The following RBFOX1 variants were observed in gnomAD, a reference collection of about 807,000 sequenced individuals.
RBFOX1 encodes RNA binding protein fox-1 homolog 1.
A neutral mutation model predicts 57.7 loss-of-function variants in RBFOX1; 8 were observed. The observed-to-expected ratio is 0.14, with a 90% CI of 0.08 to 0.25. The LOEUF (loss-of-function observed/expected upper bound fraction) is 0.25, where lower values mean the gene tolerates loss of function less well. Ranked by LOEUF, RBFOX1 falls within the 10% of genes least tolerant of loss-of-function variation. The probability of loss-of-function intolerance (pLI) is 1.00; values close to 1 mark genes in which losing one functional copy is unlikely to be tolerated. For synonymous variants in RBFOX1, 326 were observed against 222.4 expected (o/e 1.47, Z -4.15); for missense variants, 611 against 548.5 (o/e 1.11, Z -1.14).
intron 2 of RBFOX1, among the ~76,000 whole-genome samples, chr16:6,652,631 T>A (rs1423012576): frequency 6.6e-6 from 1 of 152,060 alleles, no homozygotes; most frequent in Non-Finnish European, 1.5e-5. Flanking sequence ...GAAAATAAAC[T>A]TCAGTCGTTG....
intron 3 of RBFOX1, among the ~76,000 whole-genome samples, chr16:5,725,478 G>T (rs1432979001): frequency 2.0e-5 from 3 of 151,526 alleles, no homozygotes; most frequent in Non-Finnish European, 4.4e-5. Flanking sequence ...TTCCAGTCTT[G>T]TCTCAAACTT....
At chr16:5,553,957 T>G (rs2045572333) in intron 2 of RBFOX1, among the ~76,000 whole-genome samples, 1 of 142,824 alleles carries the variant, frequency 7.0e-6, no homozygotes, top group South Asian at 2.4e-4. Flanking sequence ...AATACTTTCT[T>G]ATAACACGTA....
At position 5,533,283 on chromosome 16, in the gene RBFOX1, G is replaced by A. The variant is rs199851916; in HGVS notation, c.259-65619G>A. ...TGCAGAAATTCAACTCTAATGCTTT[G>A]AGTAACAAGCATCATGTTTTAATAG... On this transcript the variant is annotated intron_variant, in intron 2 of 2. Coordinates refer to the RBFOX1 transcript ENST00000585867. 3.3e-5 allele frequency among the ~76,000 whole-genome samples: 5 copies of A among 152,178 alleles called. No individual in the cohort carries two copies. The East Asian group carries it at 9.6e-4, about 29-fold the overall frequency.
intron 3 of RBFOX1, among the ~76,000 whole-genome samples, chr16:6,685,006 G>C (rs760389744): frequency 6.6e-6 from 1 of 152,096 alleles, no homozygotes; most frequent in African/African-American, 2.4e-5. Context: ...GGGAAAATGG[G>C]GGCTCAGGAA....
intron 3 of RBFOX1, among the ~76,000 whole-genome samples, chr16:6,851,442 A>T (rs2094057153): frequency 6.6e-6 from 1 of 152,222 alleles, no homozygotes; most frequent in Non-Finnish European, 1.5e-5. Flanking sequence ...ATTACATGTG[A>T]ATCTACAGTT....
intron 3 of RBFOX1, among the ~76,000 whole-genome samples, chr16:5,690,455 G>A (rs544880138): frequency 1.3e-5 from 2 of 152,222 alleles, no homozygotes; most frequent in East Asian, 1.9e-4. Context: ...TCCCCACCAT[G>A]TTAGGAGAAC....
At chr16:7,494,361 T>G (rs1190827416) in intron 4 of RBFOX1, among the ~76,000 whole-genome samples, 1 of 152,144 alleles carries the variant, frequency 6.6e-6, no homozygotes, top group African/African-American at 2.4e-5. Flanking sequence ...GGCTAGTGTG[T>G]TATTTTCCAA....
At chr16:6,485,962 T>C (rs916571437) in intron 2 of RBFOX1, among the ~76,000 whole-genome samples, 2 of 151,972 alleles carry the variant, frequency 1.3e-5, no homozygotes, top group African/African-American at 4.8e-5. Flanking sequence ...GTTTTTCTTT[T>C]TTGTATGATA....
At chr16:6,845,663 A>G (rs551025802) in intron 3 of RBFOX1, among the ~76,000 whole-genome samples, 3 of 152,100 alleles carry the variant, frequency 2.0e-5, no homozygotes, top group Admixed American at 6.5e-5. Context: ...TCATTCTACA[A>G]AGAGAAAATT....
intron 14 of RBFOX1, among the ~76,000 whole-genome samples, chr16:7,683,685 A>G (rs2075419865): frequency 6.6e-6 from 1 of 152,088 alleles, no homozygotes; most frequent in Admixed American, 6.6e-5. Flanking sequence ...TTGATAGGCC[A>G]CAAAAAAGGA....
chr16:6,214,877 GGAGAAGGAGAGGGAGTGGGACCGGGA>G (rs2097324475), intron 1 of RBFOX1, among the ~76,000 whole-genome samples: 1 of 109,820 alleles, frequency 9.1e-6, no homozygotes, highest in Non-Finnish European at 1.9e-5. Context: ...GAAGGCGAGG[GGAGAAGGAGAGGGAGTGGGACCGGGA>G]GAGAAGGAGA....
intron 3 of RBFOX1, among the ~76,000 whole-genome samples, chr16:6,664,844 G>GT (rs1640857132): frequency 6.6e-6 from 1 of 152,202 alleles, no homozygotes; most frequent in Non-Finnish European, 1.5e-5. Flanking sequence ...CGGATCTGGA[G>GT]TTGAATCCCG....
At chr16:7,446,690 A>G (rs1008122597) in intron 4 of RBFOX1, among the ~76,000 whole-genome samples, 1 of 151,540 alleles carries the variant, frequency 6.6e-6, no homozygotes, top group Non-Finnish European at 1.5e-5. Context: ...GGGCAACCCC[A>G]TAGAGCAAAC....
At chr16:7,340,223 A>G (rs1219613844) in intron 4 of RBFOX1, among the ~76,000 whole-genome samples, 16 of 152,232 alleles carry the variant, frequency 1.1e-4, no homozygotes, top group Non-Finnish European at 1.9e-4. Context: ...GGTTCTTGTT[A>G]TCAACAACAA....
chr16:7,559,374 T>C (rs575110708), intron 5 of RBFOX1, among the ~76,000 whole-genome samples: 33 of 152,148 alleles, frequency 2.2e-4, no homozygotes, highest in Non-Finnish European at 4.3e-4. Context: ...TATATTCTCA[T>C]AGAAACTAGG....
chr16:6,491,667 A>C (rs1205356503), intron 2 of RBFOX1, among the ~76,000 whole-genome samples: 1 of 152,188 alleles, frequency 6.6e-6, no homozygotes, highest in Non-Finnish European at 1.5e-5. Flanking sequence ...GAATATTTCC[A>C]GCAGCCCTAT....
At chr16:5,851,132 A>G (rs557840600) in intron 3 of RBFOX1, among the ~76,000 whole-genome samples, 3 of 152,252 alleles carry the variant, frequency 2.0e-5, no homozygotes, top group East Asian at 3.9e-4. Flanking sequence ...CCTCACAATC[A>G]GCCCAAAATT....
At chr16:6,658,767 C>T (rs192304475) in intron 3 of RBFOX1, among the ~76,000 whole-genome samples, 18 of 152,088 alleles carry the variant, frequency 1.2e-4, no homozygotes, top group South Asian at 1.0e-3. Context: ...CTTCCAAGCC[C>T]GCCAATTAGC....
At chr16:6,933,331 C>G (rs1363154875) in intron 3 of RBFOX1, among the ~76,000 whole-genome samples, 2 of 152,220 alleles carry the variant, frequency 1.3e-5, no homozygotes, top group African/African-American at 4.8e-5. Context: ...TTCCGTAGCA[C>G]TGCATCATTT....
Sources: gnomAD v4.1 joint callset for allele counts (sites outside exome capture counted in the v4.1 genomes callset) on GRCh38, gnomAD v4.1.1 for gene constraint, MANE v1.5 for transcripts, NCBI Gene and HGNC (gene_info 2026-07-23, HGNC 2026-07-21) for gene names.